The following NCK2 variants were observed in gnomAD, a reference collection of about 807,000 sequenced individuals.
NCK2 encodes NCK adaptor protein 2.
NCK2 carries 16 observed loss-of-function variants against 33.9 expected under a neutral mutation model. The ratio of observed to expected loss-of-function variants is 0.47; its 90% CI spans 0.32 to 0.72. The LOEUF is 0.72. Ranked by LOEUF, NCK2 falls within the 30% of genes least tolerant of loss-of-function variation. The pLI, the probability that NCK2 is intolerant of heterozygous loss-of-function variation, is 0.03. For missense variants in NCK2, 418 were observed against 537.3 expected (o/e 0.78, Z 2.19); for synonymous variants, 273 against 239.9 (o/e 1.14, Z -1.27).
chr2:105,779,588 A>T (rs62155194), intron 1 of NCK2, among the ~76,000 whole-genome samples: 33,472 of 152,094 alleles, frequency 0.22, 4,183 homozygotes, highest in Middle Eastern at 0.39. Flanking sequence ...AGGACTGCCC[A>T]TTCTTTGTGC....
rs535059373 is a variant in NCK2 at position 105,828,088 on chromosome 2, T to A, written c.-17+11475T>A. On this transcript the variant is annotated intron_variant, in intron 2 of 4. Coordinates refer to ENST00000233154, the MANE Select transcript of NCK2 (RefSeq NM_003581.5). ...TGTGAACCTATACTTATCTCAAAAT[T>A]AAAAGTTTAAACTTTTTTAAAAAGA... 1.1e-4 allele frequency among the ~76,000 whole-genome samples: 16 copies of A among 152,330 alleles called. No homozygotes were observed. In the Middle Eastern group the frequency reaches 0.01, roughly 97 times the overall value.
chr2:105,831,518 G>GT (rs1233976918), intron 2 of NCK2, among the ~76,000 whole-genome samples: 1 of 151,200 alleles, frequency 6.6e-6, no homozygotes, highest in Non-Finnish European at 1.5e-5. Flanking sequence ...TAGGTTTATA[G>GT]TTTGGGGGCT....
intron 1 of NCK2, among the ~76,000 whole-genome samples, chr2:105,803,098 C>T (rs1053950207): frequency 6.6e-6 from 1 of 151,898 alleles, no homozygotes; most frequent in African/African-American, 2.4e-5. Flanking sequence ...TTATAGTTCC[C>T]CTAGCTTTGA....
chr2:105,881,929 C>T lies in NCK2; in HGVS notation c.828C>T (p.Ser276=). The T allele has an allele frequency of 6.4e-7, 1 of 1,561,820 alleles. No homozygotes were observed. ...AGATAAGCTACACCGGGCCCTCGTC[C>T]AGCGGGCGCTTCGCGGGCAGAGAGT... ...APQISYTGPS[S]SGRFAGREWY... The change falls in exon 4 of 5, where the codon TCC becomes TCT. Residue 276 remains serine (S), a synonymous_variant. Transcript: ENST00000233154.
At chr2:105,777,950 G>A (rs1225925687) in intron 1 of NCK2, among the ~76,000 whole-genome samples, 5 of 152,190 alleles carry the variant, frequency 3.3e-5, no homozygotes, top group African/African-American at 1.2e-4. Context: ...CTGTCTTCTT[G>A]TCATGGAAAG....
chr2:105,815,854 TG>T (rs1305677209), intron 1 of NCK2, among the ~76,000 whole-genome samples: 1 of 152,176 alleles, frequency 6.6e-6, no homozygotes, highest in Non-Finnish European at 1.5e-5. Context: ...ACCTTTCCAA[TG>T]GGCAGACTCC....
At chr2:105,892,489 A>C (rs1011082478) in intron 4 of NCK2, among the ~76,000 whole-genome samples, 1 of 136,642 alleles carries the variant, frequency 7.3e-6, no homozygotes, top group Non-Finnish European at 1.7e-5. Context: ...AGAATTTCAG[A>C]ATCGTGGACT....
chr2:105,830,080 A>G (rs890551832), intron 2 of NCK2, among the ~76,000 whole-genome samples: 1 of 152,126 alleles, frequency 6.6e-6, no homozygotes, highest in African/African-American at 2.4e-5. Context: ...TCCCTCAAAC[A>G]TTTATTTTCT....
At chr2:105,824,809 G>T (rs1417001116) in intron 2 of NCK2, among the ~76,000 whole-genome samples, 1 of 152,142 alleles carries the variant, frequency 6.6e-6, no homozygotes, top group Non-Finnish European at 1.5e-5. Context: ...TCCTGCACAG[G>T]CAGGACAGTA....
At chr2:105,818,784 GTT>G (rs910318619) in intron 2 of NCK2, among the ~76,000 whole-genome samples, 44 of 152,108 alleles carry the variant, frequency 2.9e-4, no homozygotes, top group African/African-American at 1.0e-3. Context: ...TGGTGTGGTG[GTT>G]TCTGGAAATT....
rs1342723251 is a variant in NCK2 at position 105,816,472 on chromosome 2, A to G, written c.-158A>G. The G allele has an allele frequency of 2.0e-5, 3 of 152,202 alleles. No individual in the cohort carries two copies. The highest frequency in any genetic ancestry group is 7.2e-5 in the African/African-American group (3 of 41,442). 9.4% of individuals were successfully genotyped at this position (152,202 alleles called of 1,614,324 possible). On this transcript the variant is annotated 5_prime_UTR_variant, in exon 2 of 5. Transcript: ENST00000233154. ...TATACAAGCGACGTCCCAGATTATA[A>G]TTCTCTGCTGAGATTTGAGTTGGAT...
chr2:105,832,991 G>A (rs1344687791), intron 2 of NCK2, among the ~76,000 whole-genome samples: 2 of 125,264 alleles, frequency 1.6e-5, no homozygotes, highest in Non-Finnish European at 3.4e-5. Flanking sequence ...TCTTTTCTTT[G>A]TTGGGAGACT....
rs749531743 is a variant in NCK2 at position 105,885,398 on chromosome 2, T to A, written c.948+3349T>A. The stretch of plus-strand genomic sequence containing the variant: ...TTTTTTAAAATATATGAAAAGTATT[T>A]GGCTGGGAAATAAAATAGAATAGCT... On this transcript the variant is annotated intron_variant, in intron 4 of 4. Transcript: ENST00000233154. Among the ~76,000 whole-genome samples, 59 of 152,280 alleles carry A rather than the reference T, an allele frequency of 3.9e-4. 1 individual carries two copies. The highest frequency in any genetic ancestry group is 1.2e-3 in the Admixed American group (18 of 15,272).
At chr2:105,860,843 C>T (rs1677499228) in intron 3 of NCK2, among the ~76,000 whole-genome samples, 1 of 149,982 alleles carries the variant, frequency 6.7e-6, no homozygotes, top group South Asian at 2.2e-4. Flanking sequence ...ATTAACCATT[C>T]CTTGCGACTG....
At chr2:105,794,195 C>T (rs968138672) in intron 1 of NCK2, among the ~76,000 whole-genome samples, 1 of 151,742 alleles carries the variant, frequency 6.6e-6, no homozygotes, top group African/African-American at 2.4e-5. Flanking sequence ...ATTACAGGCG[C>T]CTGCCACCAC....
intron 4 of NCK2, among the ~76,000 whole-genome samples, chr2:105,888,111 A>G (rs1274202050): frequency 6.6e-6 from 1 of 152,220 alleles, no homozygotes; most frequent in South Asian, 2.1e-4. Flanking sequence ...AAACAAAAAT[A>G]ATGATGATAG....
chr2:105,855,476 T>C (rs755289426), intron 3 of NCK2, 187 bp downstream of exon 3: 9 of 550,030 alleles, frequency 1.6e-5, no homozygotes, highest in African/African-American at 5.7e-5. Context: ...TTTCATTTCC[T>C]GGAGATTCTG....
At chr2:105,821,694 A>G (rs1442801848) in intron 2 of NCK2, among the ~76,000 whole-genome samples, 3 of 151,994 alleles carry the variant, frequency 2.0e-5, no homozygotes, top group Non-Finnish European at 4.4e-5. Context: ...AGGGCTTGTC[A>G]CTGCTTGTAT....
chr2:105,870,820 G>C (rs1677968721), intron 3 of NCK2, among the ~76,000 whole-genome samples: 1 of 152,122 alleles, frequency 6.6e-6, no homozygotes, highest in South Asian at 2.1e-4. Flanking sequence ...ATTCAGGGTG[G>C]TTCAGGAAAT....
Sources: allele counts gnomAD v4.1 joint callset (sites outside exome capture counted in the v4.1 genomes callset), GRCh38; gene constraint gnomAD v4.1.1; transcripts MANE v1.5; gene names NCBI Gene and HGNC (gene_info 2026-07-23, HGNC 2026-07-21).